SUMF1: variants seen among roughly 807,000 people sequenced by gnomAD.
SUMF1 encodes sulfatase modifying factor 1.
SUMF1 carries 48 observed loss-of-function variants against 47.6 expected under a neutral mutation model. That is an observed-to-expected ratio of 1.01 (90% CI 0.80 to 1.28). The LOEUF (loss-of-function observed/expected upper bound fraction) is 1.28. Among genes scored for constraint, SUMF1 ranks in the 50% most tolerant of loss-of-function variants. The pLI is 0.00. For missense variants in SUMF1, 571 were observed against 485.4 expected (o/e 1.18, Z -1.66); for synonymous variants, 230 against 192.1 (o/e 1.20, Z -1.63).
At chr3:4,442,887 GT>G (rs1220779036) in intron 3 of SUMF1, among the ~76,000 whole-genome samples, 1 of 151,366 alleles carries the variant, frequency 6.6e-6, no homozygotes, top group East Asian at 1.9e-4. Flanking sequence ...TCTATAAGAA[GT>G]AAGAGAAGAA....
At chr3:4,135,474 CAAAAT>C (rs1337220920) in intron 8 of SUMF1, among the ~76,000 whole-genome samples, 1 of 139,276 alleles carries the variant, frequency 7.2e-6, no homozygotes, top group African/African-American at 2.5e-5. Flanking sequence ...GGATGTATCT[CAAAAT>C]AATAACAGCT....
At chr3:4,067,110 T>C (rs1056089580) in intron 9 of SUMF1, among the ~76,000 whole-genome samples, 13 of 152,160 alleles carry the variant, frequency 8.5e-5, no homozygotes, top group African/African-American at 2.9e-4. Flanking sequence ...GAGCTCAGAA[T>C]GGCCAGAGGC....
At chr3:4,190,253 T>A (rs530248446) in intron 8 of SUMF1, among the ~76,000 whole-genome samples, 1 of 152,138 alleles carries the variant, frequency 6.6e-6, no homozygotes, top group South Asian at 2.1e-4. Context: ...CGCTAATCAT[T>A]TAGCTCGTGA....
At chr3:4,093,694 C>A (rs17039858) in intron 8 of SUMF1, among the ~76,000 whole-genome samples, 3,216 of 151,964 alleles carry the variant, frequency 0.021, 121 homozygotes, top group African/African-American at 0.073. Context: ...AAAGGCTGGA[C>A]AATTAGGAAA....
chr3:4,453,921 G>A (rs746218709), intron 1 of SUMF1, among the ~76,000 whole-genome samples: 5 of 151,886 alleles, frequency 3.3e-5, no homozygotes, highest in South Asian at 2.1e-4. Context: ...CTCCCACCTC[G>A]GCCTTCCAAA....
intron 3 of SUMF1, among the ~76,000 whole-genome samples, chr3:4,424,119 G>A (rs1047467292): frequency 2.0e-5 from 3 of 152,108 alleles, no homozygotes; most frequent in Non-Finnish European, 4.4e-5. Context: ...TAGAAAATGT[G>A]CAATTAGTCA....
intron 8 of SUMF1, among the ~76,000 whole-genome samples, chr3:4,129,854 T>C (rs904643491): frequency 6.6e-6 from 1 of 152,080 alleles, no homozygotes; most frequent in Non-Finnish European, 1.5e-5. Flanking sequence ...GTCCAGTGGG[T>C]CCCTGGACTC....
intron 1 of SUMF1, among the ~76,000 whole-genome samples, chr3:4,459,633 A>G (rs1040996011): frequency 6.6e-6 from 1 of 152,182 alleles, no homozygotes; most frequent in African/African-American, 2.4e-5. Flanking sequence ...ATGTATTACT[A>G]CTATCCCAAG....
At chr3:4,383,312 G>A (rs1044994116) in intron 7 of SUMF1, among the ~76,000 whole-genome samples, 9 of 152,290 alleles carry the variant, frequency 5.9e-5, no homozygotes, top group Middle Eastern at 3.4e-3. Context: ...CCGGGAGGCG[G>A]AGGCTGCAGT....
At chr3:4,451,365 A>C (rs1702961116) in intron 2 of SUMF1, among the ~76,000 whole-genome samples, 1 of 152,334 alleles carries the variant, frequency 6.6e-6, no homozygotes. Context: ...TGCTGTTTGC[A>C]TCATAATTGA....
At chr3:4,149,123 C>T (rs1302589401) in intron 8 of SUMF1, among the ~76,000 whole-genome samples, 2 of 152,222 alleles carry the variant, frequency 1.3e-5, no homozygotes, top group South Asian at 2.1e-4. Context: ...CTGGAACTTT[C>T]CTCACATGAG....
chr3:4,295,814 GC>G (rs1473567943), intron 8 of SUMF1, among the ~76,000 whole-genome samples: 7 of 152,100 alleles, frequency 4.6e-5, no homozygotes, highest in African/African-American at 1.7e-4. Flanking sequence ...TTACTTCACA[GC>G]TAAAGTACTT....
At chr3:4,164,249 G>A (rs918367221) in intron 8 of SUMF1, among the ~76,000 whole-genome samples, 1 of 152,154 alleles carries the variant, frequency 6.6e-6, no homozygotes, top group Non-Finnish European at 1.5e-5. Context: ...AATGGACCTT[G>A]AGGACAGCTG....
At chr3:4,355,310 T>C (rs1024712341) in intron 8 of SUMF1, among the ~76,000 whole-genome samples, 15 of 152,152 alleles carry the variant, frequency 9.9e-5, no homozygotes, top group Admixed American at 6.5e-5. Context: ...TGAGCCATGA[T>C]TGCACCACTG....
intron 8 of SUMF1, among the ~76,000 whole-genome samples, chr3:4,340,273 C>G (rs1699243772): frequency 6.6e-6 from 1 of 152,208 alleles, no homozygotes; most frequent in South Asian, 2.1e-4. Flanking sequence ...CCACTTACCA[C>G]ACACTGTACC....
chr3:4,269,057 A>G (rs1697254830), intron 8 of SUMF1, among the ~76,000 whole-genome samples: 1 of 152,180 alleles, frequency 6.6e-6, no homozygotes, highest in South Asian at 2.1e-4. Context: ...GGAAGTGAAC[A>G]TACCTCTGGA....
intron 8 of SUMF1, among the ~76,000 whole-genome samples, chr3:4,275,462 G>A (rs896410146): frequency 6.6e-6 from 1 of 152,000 alleles, no homozygotes; most frequent in African/African-American, 2.4e-5. Context: ...GGTCTCTTCT[G>A]GTGCATTCTT....
At chr3:4,457,038 G>GTATATATATATATGTGTGTGTGTATATA (rs1313561547) in intron 1 of SUMF1, among the ~76,000 whole-genome samples, 1 of 109,204 alleles carries the variant, frequency 9.2e-6, no homozygotes, top group Non-Finnish European at 2.1e-5. Flanking sequence ...ACGTGTGTGT[G>GTATATATATATATGTGTGTGTGTATATA]TATATATATA....
chr3:4,466,831 C>T (rs2079960590), intron 1 of SUMF1, 145 bp downstream of exon 1: 3 of 1,269,252 alleles, frequency 2.4e-6, no homozygotes, highest in Non-Finnish European at 3.2e-6. Flanking sequence ...GGAGAAGGAA[C>T]TCCTCATACG....
Sources: allele counts gnomAD v4.1 joint callset (sites outside exome capture counted in the v4.1 genomes callset), GRCh38; gene constraint gnomAD v4.1.1; transcripts MANE v1.5; gene names NCBI Gene and HGNC (gene_info 2026-07-23, HGNC 2026-07-21).